DIAPH2: variants seen among roughly 807,000 people sequenced by gnomAD.
DIAPH2 encodes diaphanous related formin 2.
DIAPH2 carries 35 observed loss-of-function variants against 92.7 expected under a neutral mutation model. That is an observed-to-expected ratio of 0.38 (90% confidence interval 0.29 to 0.50). The LOEUF (loss-of-function observed/expected upper bound fraction) is 0.50. Among genes scored for constraint, DIAPH2 ranks in the 20% least tolerant of loss-of-function variants. The pLI is 0.94. For synonymous variants in DIAPH2, 301 were observed against 280.4 expected, an observed-to-expected ratio of 1.07 and a Z score of -0.73; for missense variants, 701 against 819.5, an observed-to-expected ratio of 0.86 and a Z score of 1.77.
intron 23 of DIAPH2, among the ~76,000 whole-genome samples, chrX:97,253,287 G>GTAAAAAAAAATAAAA (rs1468591066): frequency 1.2e-3 from 5 of 4,266 alleles, no homozygotes. Context: ...GTAGGACTCC[G>GTAAAAAAAAATAAAA]TAAAAAAAAA....
At chrX:96,809,571 G>A (rs151336563) in intron 4 of DIAPH2, among the ~76,000 whole-genome samples, 2,762 of 107,832 alleles carry the variant, frequency 0.026, 86 homozygotes, top group African/African-American at 0.09. Flanking sequence ...ACAACGTGCA[G>A]GTTTGTTACA....
At chrX:97,194,474 C>T (rs900223832) in intron 22 of DIAPH2, among the ~76,000 whole-genome samples, 28 of 109,706 alleles carry the variant, frequency 2.6e-4, no homozygotes, top group Admixed American at 5.9e-4. Context: ...TTAGTAGAGA[C>T]GGGGTTTCAC....
At chrX:97,185,462 T>TATATATATACAC (rs1446887503) in intron 22 of DIAPH2, among the ~76,000 whole-genome samples, 5 of 48,082 alleles carry the variant, frequency 1.0e-4, no homozygotes, top group African/African-American at 5.4e-4. Context: ...TGTGTATATA[T>TATATATATACAC]ATATATATAC....
At chrX:96,834,362 G>A (rs73549723) in intron 4 of DIAPH2, among the ~76,000 whole-genome samples, 177 of 111,813 alleles carry the variant, frequency 1.6e-3, no homozygotes, top group African/African-American at 5.3e-3. Context: ...CACTGGACTC[G>A]GGTGGTAATC....
chrX:97,577,006 A>G (rs1365185207), intron 26 of DIAPH2, among the ~76,000 whole-genome samples: 1 of 111,863 alleles, frequency 8.9e-6, no homozygotes, highest in Non-Finnish European at 1.9e-5. Flanking sequence ...CTTCTAAGGA[A>G]GTATCTTTCA....
chrX:96,867,985 C>T (rs921320425), intron 4 of DIAPH2, among the ~76,000 whole-genome samples: 2 of 111,728 alleles, frequency 1.8e-5, no homozygotes, highest in South Asian at 3.7e-4. Flanking sequence ...TTTAAATTAA[C>T]ATTATTTTAA....
At chrX:97,392,993 G>A (rs1371147078) in intron 25 of DIAPH2, among the ~76,000 whole-genome samples, 1 of 111,601 alleles carries the variant, frequency 9.0e-6, no homozygotes. Context: ...GAGCCGGGCT[G>A]TGAAAGAGCC....
At chrX:97,393,404 A>T (rs1349640271) in intron 25 of DIAPH2, among the ~76,000 whole-genome samples, 1 of 112,207 alleles carries the variant, frequency 8.9e-6, no homozygotes, top group African/African-American at 3.2e-5. Flanking sequence ...CCATCCAATC[A>T]ACGTTTATTG....
intron 5 of DIAPH2, among the ~76,000 whole-genome samples, chrX:96,886,911 CTT>C (rs55653485): frequency 6.7e-5 from 7 of 103,984 alleles, no homozygotes; most frequent in Admixed American, 6.3e-4. Context: ...GAAAAAAACT[CTT>C]TTTTTTTTGT....
chrX:97,351,196 A>G (rs960527719), intron 24 of DIAPH2, among the ~76,000 whole-genome samples: 2 of 112,316 alleles, frequency 1.8e-5, no homozygotes, highest in Non-Finnish European at 3.8e-5. Flanking sequence ...CCTTGTCTAT[A>G]AAAGACGGAA....
chrX:97,193,411 T>C (rs1020772613), intron 22 of DIAPH2, among the ~76,000 whole-genome samples: 14 of 112,083 alleles, frequency 1.2e-4, no homozygotes, highest in Non-Finnish European at 2.3e-4. Context: ...CAGTACTTCA[T>C]TGGGTTACCT....
chrX:96,875,316 TC>T (rs2065171246), intron 4 of DIAPH2, among the ~76,000 whole-genome samples: 1 of 111,984 alleles, frequency 8.9e-6, no homozygotes, highest in Non-Finnish European at 1.9e-5. Context: ...TCTGTGATGG[TC>T]TAAGAGTCTG....
rs745654725 is a variant in DIAPH2, at chrX:96,965,989, C to G, written c.2050+782C>G. Among the ~76,000 whole-genome samples the G allele has an allele frequency of 1.8e-5, 2 of 111,835 alleles. 1 individual carries two copies. Among genetic ancestry groups the G allele is most frequent in the South Asian group, 7.4e-4 (2 of 2,694 alleles). ...TTGAAAAATGGAAATAATCCATACT[C>G]TCATGCCCTTGGAATTAGCACCTTT... is the stretch of plus-strand genomic sequence containing the variant. On this transcript the variant is annotated intron_variant, in intron 17 of 26. Coordinates refer to ENST00000324765, the MANE Select transcript of DIAPH2 (RefSeq NM_006729.5).
intron 25 of DIAPH2, among the ~76,000 whole-genome samples, chrX:97,419,223 C>A (rs376524506): frequency 8.9e-6 from 1 of 111,815 alleles, no homozygotes; most frequent in African/African-American, 3.3e-5. Context: ...CCACATCCAG[C>A]AATTAGCATA....
intron 25 of DIAPH2, among the ~76,000 whole-genome samples, chrX:97,414,086 G>T (rs368136547): frequency 3.2e-4 from 36 of 111,587 alleles, no homozygotes; most frequent in East Asian, 2.5e-3. Context: ...AAAAGAGCCC[G>T]CATTGTCAAG....
chrX:97,185,467 A>T (rs868306947), intron 22 of DIAPH2, among the ~76,000 whole-genome samples: 1 of 29,761 alleles, frequency 3.4e-5, no homozygotes, highest in Non-Finnish European at 5.4e-5. Context: ...ATATATATAT[A>T]TATACACATA....
rs370775460 is a variant in DIAPH2, at chrX:96,751,732, C to T, written c.343-6422C>T. 1.2e-4 allele frequency among the ~76,000 whole-genome samples: 8 copies of T among 64,354 alleles called. No homozygotes were observed. In the South Asian group the frequency reaches 8.6e-3, roughly 69 times the overall value. The allele number at this position is 64,354 out of a possible 115,157, so 55.9% of individuals were successfully genotyped here. ...GCAGTGGCGGGATCTCGGCTCACTG[C>T]AAGCTCCGCCTCCCGGGTTCACGCC... On this transcript the variant is annotated intron_variant, in intron 3 of 26. Transcript: ENST00000324765.
chrX:97,529,455 G>C (rs2071045770), intron 26 of DIAPH2, among the ~76,000 whole-genome samples: 1 of 112,260 alleles, frequency 8.9e-6, no homozygotes, highest in African/African-American at 3.2e-5. Context: ...CTGTGTTCTA[G>C]GCAATGTGCT....
At chrX:96,893,645 G>A (rs1467441470) in intron 5 of DIAPH2, among the ~76,000 whole-genome samples, 2 of 111,944 alleles carry the variant, frequency 1.8e-5, no homozygotes, top group Non-Finnish European at 3.8e-5. Context: ...CAATGACCAG[G>A]AATAATAGTA....
Sources: gnomAD v4.1 joint callset for allele counts (sites outside exome capture counted in the v4.1 genomes callset) on GRCh38, gnomAD v4.1.1 for gene constraint, MANE v1.5 for transcripts, NCBI Gene and HGNC (gene_info 2026-07-23, HGNC 2026-07-21) for gene names.